Variants in NRXN1 observed in about 807,000 individuals in gnomAD.
The protein encoded by NRXN1 is neurexin 1, also known as neurexin-1.
NRXN1 carries 39 observed loss-of-function variants against 150.9 expected under a neutral mutation model. The observed-to-expected ratio is 0.26, with a 90% CI of 0.20 to 0.34. The LOEUF (loss-of-function observed/expected upper bound fraction) is 0.34, where lower values mean the gene tolerates loss of function less well. NRXN1 is among the 10% of genes least tolerant of loss of function. The pLI is 1.00. For synonymous variants in NRXN1, 924 were observed against 757.0 expected (o/e 1.22, Z -3.62); for missense variants, 1,815 against 1,949.9 (o/e 0.93, Z 1.30).
chr2:50,883,028 A>G (rs567411041), intron 5 of NRXN1, among the ~76,000 whole-genome samples: 1 of 152,038 alleles, frequency 6.6e-6, no homozygotes, highest in African/African-American at 2.4e-5. Flanking sequence ...AAATGTCCAT[A>G]AAATTATTTT....
chr2:50,390,089 A>G (rs530384291), intron 17 of NRXN1, among the ~76,000 whole-genome samples: 196 of 152,302 alleles, frequency 1.3e-3, no homozygotes, highest in African/African-American at 4.4e-3. Flanking sequence ...GTATCAAACC[A>G]TAAGTATGCA....
chr2:50,959,179 C>G (rs1692749550), intron 2 of NRXN1, among the ~76,000 whole-genome samples: 1 of 151,884 alleles, frequency 6.6e-6, no homozygotes, highest in Non-Finnish European at 1.5e-5. Flanking sequence ...ATGATGCAAC[C>G]CCTTTGGAAA....
intron 17 of NRXN1, among the ~76,000 whole-genome samples, chr2:50,357,162 T>C (rs1213888127): frequency 6.6e-6 from 1 of 152,048 alleles, no homozygotes; most frequent in Admixed American, 6.6e-5. Context: ...ATATCTGTGG[T>C]GCTAGCTAAC....
chr2:50,106,175 T>G (rs908585662), intron 18 of NRXN1, among the ~76,000 whole-genome samples: 1 of 151,336 alleles, frequency 6.6e-6, no homozygotes, highest in African/African-American at 2.4e-5. Context: ...TTTATTTTTA[T>G]CTTAGTTGTT....
At chr2:50,516,701 G>C (rs2092641015) in intron 12 of NRXN1, among the ~76,000 whole-genome samples, 1 of 151,926 alleles carries the variant, frequency 6.6e-6, no homozygotes, top group African/African-American at 2.4e-5. Context: ...CCTCAATTTA[G>C]CCAAGGATAT....
chr2:49,982,936 A>G (rs1470932967), intron 21 of NRXN1, among the ~76,000 whole-genome samples: 2 of 152,128 alleles, frequency 1.3e-5, no homozygotes, highest in Admixed American at 6.6e-5. Flanking sequence ...ACATTGTCTC[A>G]AGCATGCTAT....
intron 21 of NRXN1, among the ~76,000 whole-genome samples, chr2:50,007,923 T>G (rs1685036277): frequency 6.6e-6 from 1 of 152,172 alleles, no homozygotes; most frequent in East Asian, 1.9e-4. Context: ...ATGGTAAGTG[T>G]TATTCTAACT....
intron 8 of NRXN1, among the ~76,000 whole-genome samples, chr2:50,601,915 T>A (rs1236288680): frequency 6.6e-6 from 1 of 152,156 alleles, no homozygotes; most frequent in Non-Finnish European, 1.5e-5. Context: ...ACGTATTTGA[T>A]CTGCAATGTT....
chr2:50,540,901 A>T (rs907476199), intron 9 of NRXN1, among the ~76,000 whole-genome samples: 6 of 152,112 alleles, frequency 3.9e-5, no homozygotes, highest in Non-Finnish European at 7.4e-5. Flanking sequence ...GCCTCAAGTG[A>T]TCCACCCACC....
chr2:50,179,620 T>TTA (rs1334703689), intron 18 of NRXN1, among the ~76,000 whole-genome samples: 72 of 152,278 alleles, frequency 4.7e-4, no homozygotes, highest in Admixed American at 4.0e-3. Context: ...TCAGTAAAGC[T>TTA]TATAAAATAC....
chr2:49,988,314 G>GAA (rs74968245), intron 21 of NRXN1, among the ~76,000 whole-genome samples: 29 of 136,568 alleles, frequency 2.1e-4, no homozygotes, highest in African/African-American at 7.0e-4. Context: ...TATTCTATCA[G>GAA]AAAAAAAAAA....
intron 17 of NRXN1, among the ~76,000 whole-genome samples, chr2:50,404,328 C>T (rs1173654084): frequency 1.3e-5 from 2 of 152,016 alleles, no homozygotes; most frequent in Admixed American, 6.6e-5. Context: ...ATTTAGTGTC[C>T]TGGCTATAGG....
At chr2:50,666,158 T>A (rs1011262849) in intron 5 of NRXN1, among the ~76,000 whole-genome samples, 1 of 151,994 alleles carries the variant, frequency 6.6e-6, no homozygotes, top group Non-Finnish European at 1.5e-5. Flanking sequence ...ATAAAGTAAG[T>A]AGACTTTTTT....
chr2:50,662,053 A>G (rs1452532108), intron 5 of NRXN1, among the ~76,000 whole-genome samples: 2 of 152,068 alleles, frequency 1.3e-5, no homozygotes, highest in African/African-American at 2.4e-5. Context: ...ATATTTTTCA[A>G]GAGTCTGAGG....
chr2:50,098,255 A>C (rs868839447), intron 18 of NRXN1, among the ~76,000 whole-genome samples: 1 of 152,166 alleles, frequency 6.6e-6, no homozygotes, highest in Admixed American at 6.5e-5. Context: ...AAACAGGTAA[A>C]GTCTGTTTTC....
chr2:50,979,405 G>A (rs1696420682), intron 2 of NRXN1: 2 of 408,392 alleles, frequency 4.9e-6, no homozygotes, highest in East Asian at 6.1e-5. Context: ...TTTCCATCTT[G>A]GGATACTAGC....
At chr2:50,891,049 A>AT (rs1195247881) in intron 5 of NRXN1, among the ~76,000 whole-genome samples, 1 of 151,978 alleles carries the variant, frequency 6.6e-6, no homozygotes, top group Non-Finnish European at 1.5e-5. Flanking sequence ...AGGGGCTTAG[A>AT]TTTTTACTTC....
intron 5 of NRXN1, among the ~76,000 whole-genome samples, chr2:50,642,857 T>C (rs1667895188): frequency 6.6e-6 from 1 of 151,954 alleles, no homozygotes; most frequent in Non-Finnish European, 1.5e-5. Context: ...TAGACCAATA[T>C]GTGTGGAGGA....
chr2:50,396,272 A>G (rs2082045068), intron 17 of NRXN1, among the ~76,000 whole-genome samples: 1 of 152,142 alleles, frequency 6.6e-6, no homozygotes, highest in East Asian at 1.9e-4. Flanking sequence ...TAAATAACAA[A>G]TTCCTGTTTA....
Sources: gnomAD v4.1 joint callset for allele counts (sites outside exome capture counted in the v4.1 genomes callset) on GRCh38, gnomAD v4.1.1 for gene constraint, MANE v1.5 for transcripts, NCBI Gene and HGNC (gene_info 2026-07-23, HGNC 2026-07-21) for gene names.